The following GHR variants were observed in gnomAD, a reference collection of about 807,000 sequenced individuals.
GHR encodes GH receptor.
GHR carries 35 observed loss-of-function variants against 67.1 expected under a neutral mutation model. That is an observed-to-expected ratio of 0.52 (90% CI 0.40 to 0.69). The LOEUF (loss-of-function observed/expected upper bound fraction) is 0.69, where lower values mean the gene tolerates loss of function less well. Among genes scored for constraint, GHR ranks in the 30% least tolerant of loss-of-function variants. The pLI is 0.00. For missense variants in GHR, 792 were observed against 764.6 expected (o/e 1.04, Z -0.42); for synonymous variants, 272 against 269.1 (o/e 1.01, Z -0.10).
chr5:42,663,921 A>G (rs1270553845), intron 3 of GHR, among the ~76,000 whole-genome samples: 1 of 152,226 alleles, frequency 6.6e-6, no homozygotes, highest in African/African-American at 2.4e-5. Context: ...ATCAATGTGC[A>G]AAAATCACAA....
chr5:42,711,373 G>A lies in GHR; in HGVS notation c.784+1G>A. The A allele has an allele frequency of 3.1e-6, 5 of 1,605,636 alleles. No homozygotes were observed. Among genetic ancestry groups the A allele is most frequent in the Non-Finnish European group, 4.3e-6 (5 of 1,172,372 alleles). On this transcript the variant is annotated splice_donor_variant, in intron 7 of 9. Coordinates refer to ENST00000230882, the MANE Select transcript of GHR (RefSeq NM_000163.5). LOFTEE classifies it high-confidence loss of function. ...ATGAGCCAATTTACATGTGAAGAAG[G>A]TAAAAGAAATAAAAGATTAAAATAG... is the stretch of plus-strand genomic sequence containing the variant.
chr5:42,529,349 G>C (rs1019107708), intron 1 of GHR, among the ~76,000 whole-genome samples: 1 of 152,132 alleles, frequency 6.6e-6, no homozygotes, highest in Non-Finnish European at 1.5e-5. Context: ...CCAAAAAATT[G>C]TGTGGCTTGC....
At chr5:42,611,157 C>A (rs1561166373) in intron 2 of GHR, among the ~76,000 whole-genome samples, 1 of 152,068 alleles carries the variant, frequency 6.6e-6, no homozygotes, top group Admixed American at 6.6e-5. Context: ...GTGTTTTCTC[C>A]TTGCCCTTAG....
At chr5:42,564,064 T>TA (rs548549918) in intron 1 of GHR, among the ~76,000 whole-genome samples, 55 of 152,022 alleles carry the variant, frequency 3.6e-4, no homozygotes, top group African/African-American at 1.3e-3. Flanking sequence ...ATGAATGTTG[T>TA]AAAAACCACA....
chr5:42,670,248 G>GAT (rs1267201476), intron 3 of GHR, among the ~76,000 whole-genome samples: 2 of 152,106 alleles, frequency 1.3e-5, no homozygotes, highest in Admixed American at 6.6e-5. Context: ...TTTCAACAAA[G>GAT]ATACCAAGAA....
chr5:42,689,256 G>A (rs1051871025), intron 4 of GHR, among the ~76,000 whole-genome samples: 2 of 152,190 alleles, frequency 1.3e-5, no homozygotes, highest in Admixed American at 6.5e-5. Context: ...GTCTCATGGA[G>A]ATTTCCTTCC....
intron 1 of GHR, among the ~76,000 whole-genome samples, chr5:42,512,727 G>A (rs1319411879): frequency 6.6e-6 from 1 of 151,878 alleles, no homozygotes; most frequent in Non-Finnish European, 1.5e-5. Flanking sequence ...TTGACTATCA[G>A]GCTGCCTATT....
chr5:42,552,342 T>C (rs1749077297), intron 1 of GHR, among the ~76,000 whole-genome samples: 1 of 152,308 alleles, frequency 6.6e-6, no homozygotes, highest in Non-Finnish European at 1.5e-5. Context: ...ATTTTTCTTC[T>C]ACCCTAGTCT....
chr5:42,468,028 A>G, intron 1 of GHR: 2 of 803,398 alleles, frequency 2.5e-6, no homozygotes, highest in Admixed American at 4.6e-5. Context: ...CAGGTCCTTA[A>G]GGATCAGCTT....
chr5:42,576,093 A>G (rs373653593), intron 2 of GHR, among the ~76,000 whole-genome samples: 25,911 of 117,664 alleles, frequency 0.22, 3,228 homozygotes, highest in African/African-American at 0.29. Context: ...ATAAAATAAA[A>G]TAAAATAAAT....
chr5:42,468,782 C>G (rs1256200389), intron 1 of GHR: 24 of 1,089,856 alleles, frequency 2.2e-5, no homozygotes, highest in Admixed American at 1.6e-4. Context: ...TTCAGCACCT[C>G]GAAGGGGTCC....
chr5:42,440,729 A>T (rs561410600), intron 1 of GHR, among the ~76,000 whole-genome samples: 53 of 152,318 alleles, frequency 3.5e-4, no homozygotes, highest in African/African-American at 1.1e-3. Context: ...GGCCAGAGGT[A>T]TTGGTAGCTT....
At chr5:42,559,458 A>T (rs1455466697) in intron 1 of GHR, among the ~76,000 whole-genome samples, 1 of 152,232 alleles carries the variant, frequency 6.6e-6, no homozygotes, top group East Asian at 1.9e-4. Flanking sequence ...ACGAAGGAGG[A>T]TCCCTTGAGC....
At chr5:42,428,560 A>G (rs959852281) in intron 1 of GHR, among the ~76,000 whole-genome samples, 1 of 152,154 alleles carries the variant, frequency 6.6e-6, no homozygotes, top group Non-Finnish European at 1.5e-5. Context: ...CTATGGCATC[A>G]TCAGCTTGCA....
intron 1 of GHR, among the ~76,000 whole-genome samples, chr5:42,528,097 C>T (rs1579874896): frequency 1.3e-5 from 2 of 152,130 alleles, no homozygotes; most frequent in African/African-American, 2.4e-5. Context: ...ATGTAGTTTT[C>T]GTGCCTGTTA....
chr5:42,560,983 G>A (rs1749574886), intron 1 of GHR, among the ~76,000 whole-genome samples: 1 of 152,184 alleles, frequency 6.6e-6, no homozygotes, highest in African/African-American at 2.4e-5. Flanking sequence ...AGTTCAGAAT[G>A]CTGTTTTAAT....
chr5:42,529,624 T>A (rs1747868975), intron 1 of GHR, among the ~76,000 whole-genome samples: 1 of 152,134 alleles, frequency 6.6e-6, no homozygotes, highest in South Asian at 2.1e-4. Context: ...AAAGTAGATG[T>A]TACACACCTT....
chr5:42,496,396 G>C (rs571277170), intron 1 of GHR, among the ~76,000 whole-genome samples: 4 of 151,916 alleles, frequency 2.6e-5, no homozygotes, highest in African/African-American at 9.6e-5. Context: ...TTTAAATCTT[G>C]GTGCAGCGTT....
chr5:42,688,285 G>T (rs1252150827), intron 3 of GHR, among the ~76,000 whole-genome samples: 1 of 152,186 alleles, frequency 6.6e-6, no homozygotes, highest in Non-Finnish European at 1.5e-5. Flanking sequence ...TCAGGTGCCT[G>T]CCTCGGCAAA....
Sources: allele counts gnomAD v4.1 joint callset (sites outside exome capture counted in the v4.1 genomes callset), GRCh38; gene constraint gnomAD v4.1.1; transcripts MANE v1.5; gene names NCBI Gene and HGNC (gene_info 2026-07-23, HGNC 2026-07-21).